Variants in EBPL observed in about 807,000 individuals in gnomAD.
EBPL encodes EBP like, also known as emopamil-binding protein-like.
In EBPL, 20 loss-of-function variants were observed where a neutral mutation model predicts 19.0. The observed-to-expected ratio is 1.05, with a 90% CI of 0.74 to 1.53. The LOEUF (loss-of-function observed/expected upper bound fraction) is 1.53. Among genes scored for constraint, EBPL ranks in the 40% most tolerant of loss-of-function variants. EBPL has a pLI of 0.00. For missense variants in EBPL, 219 were observed against 261.1 expected (o/e 0.84, Z 1.11); for synonymous variants, 107 against 117.0 (o/e 0.91, Z 0.55).
rs1488955110 is a variant in EBPL, at chr13:49,691,203, C to G, written c.171+51G>C. ...CCCCCTCACCCCGCCTTGCCGCCCCCGCTCCCACTCTCTGGGATGGGGAGT... is the reference window on the plus strand; with the variant it reads ...CCCCCTCACCCCGCCTTGCCGCCCCGGCTCCCACTCTCTGGGATGGGGAGT... On this transcript the variant is annotated intron_variant, in intron 1 of 3. Coordinates refer to ENST00000242827, the MANE Select transcript of EBPL (RefSeq NM_032565.5). 5 of 1,278,782 alleles carry G rather than the reference C, an allele frequency of 3.9e-6. No individual in the cohort carries two copies. In the East Asian group the frequency reaches 1.5e-4, roughly 39 times the overall value. 79.2% of individuals were successfully genotyped at this position (1,278,782 alleles called of 1,614,324 possible). A position where few individuals can be genotyped will look rare whatever the true frequency, so the allele number is the denominator to read the frequency against.
At chr13:49,662,765 T>C (rs1369214158) in intron 3 of EBPL, among the ~76,000 whole-genome samples, 1 of 152,088 alleles carries the variant, frequency 6.6e-6, no homozygotes, top group Non-Finnish European at 1.5e-5. Flanking sequence ...CTTAAGTATC[T>C]GGGACTACAG....
chr13:49,677,845 T>C (rs1594412416), intron 1 of EBPL, among the ~76,000 whole-genome samples: 1 of 152,212 alleles, frequency 6.6e-6, no homozygotes. Flanking sequence ...TGTTAGTTCT[T>C]AAAGATGGTG....
chr13:49,685,535 C>A (rs1255188119), intron 1 of EBPL, among the ~76,000 whole-genome samples: 1 of 152,280 alleles, frequency 6.6e-6, no homozygotes, highest in Non-Finnish European at 1.5e-5. Context: ...CCCAGAATCT[C>A]GTCCCAAAGC....
chr13:49,664,882 T>C (rs1965202582), intron 2 of EBPL, among the ~76,000 whole-genome samples: 3 of 151,402 alleles, frequency 2.0e-5, no homozygotes, highest in Non-Finnish European at 4.4e-5. Flanking sequence ...TGAGGGAATG[T>C]TCTGTGAGAG....
At position 49,683,765 on chromosome 13, in the gene EBPL, A is replaced by AC. The variant is rs200874960; in HGVS notation, c.171+7488dup. Among the ~76,000 whole-genome samples, 34 of 152,322 alleles carry AC rather than the reference A, an allele frequency of 2.2e-4. 1 individual carries two copies. The East Asian group carries it at 6.6e-3, about 29-fold the overall frequency. ...TCGCACACAATGCTAGTGGGAATGCACAACAGTACAGCCGCCGTGGAAAGC... is the reference window on the plus strand; with the variant it reads ...TCGCACACAATGCTAGTGGGAATGCACCAACAGTACAGCCGCCGTGGAAAGC... On this transcript the variant is annotated intron_variant, in intron 1 of 3. Transcript: ENST00000242827.
intron 3 of EBPL, 51 bp downstream of exon 3, chr13:49,663,006 G>A: frequency 1.9e-6 from 3 of 1,605,662 alleles, no homozygotes; most frequent in Non-Finnish European, 2.6e-6. Context: ...CTAAGTGTTG[G>A]GACATGTAAT....
intron 1 of EBPL, among the ~76,000 whole-genome samples, chr13:49,674,563 G>A (rs969677005): frequency 6.8e-6 from 1 of 147,668 alleles, no homozygotes; most frequent in Non-Finnish European, 1.5e-5. Flanking sequence ...ATGGGAGAAA[G>A]AGTACCATGA....
At chr13:49,670,724 G>A (rs1402643129) in intron 1 of EBPL, among the ~76,000 whole-genome samples, 1 of 152,062 alleles carries the variant, frequency 6.6e-6, no homozygotes, top group East Asian at 1.9e-4. Flanking sequence ...AGTCCTTCGA[G>A]TTTCTGATAT....
chr13:49,691,389 G>A lies in EBPL; in HGVS notation c.36C>T (p.Gly12=), dbSNP rs1231690040. The A allele has an allele frequency of 2.9e-6, 4 of 1,362,178 alleles. No individual in the cohort carries two copies. Among genetic ancestry groups the A allele is most frequent in the East Asian group, 2.8e-5 (1 of 35,538 alleles). 84.4% of individuals were successfully genotyped at this position (1,362,178 alleles called of 1,614,324 possible). Residue 12 remains glycine, a synonymous_variant, in exon 1 of 4, where the codon GGC becomes GGT. Coordinates refer to ENST00000242827, the MANE Select transcript of EBPL (RefSeq NM_032565.5). ...GAEWELGAEA[G]GSLLLCAALL... The stretch of plus-strand genomic sequence containing the variant: ...GCGCGGCGCACAGCAGCAGCGAACC[G>A]CCAGCCTCGGCCCCCAGCTCCCACT...
chr13:49,673,506 T>G (rs571349225), intron 1 of EBPL, among the ~76,000 whole-genome samples: 1 of 152,212 alleles, frequency 6.6e-6, no homozygotes, highest in Non-Finnish European at 1.5e-5. Context: ...GGCTCGATCT[T>G]GGCTCACTGC....
At chr13:49,681,894 TGAAGTG>T (rs1289246911) in intron 1 of EBPL, among the ~76,000 whole-genome samples, 2 of 152,222 alleles carry the variant, frequency 1.3e-5, no homozygotes, top group Non-Finnish European at 2.9e-5. Flanking sequence ...AGTGAGAGAA[TGAAGTG>T]GAGCAGGAAT....
chr13:49,689,604 C>T (rs1311448121), intron 1 of EBPL, among the ~76,000 whole-genome samples: 13 of 152,282 alleles, frequency 8.5e-5, no homozygotes, highest in Admixed American at 2.6e-4. Flanking sequence ...GCCTCAGCCT[C>T]CCAAAATGCT....
At chr13:49,686,670 A>G in intron 1 of EBPL, 1 of 1,257,490 alleles carries the variant, frequency 8.0e-7, no homozygotes. Context: ...TAGCTCAGCA[A>G]AAGCAGTCAT....
At chr13:49,690,173 C>CAAAAA (rs1332181431) in intron 1 of EBPL, among the ~76,000 whole-genome samples, 1 of 96,450 alleles carries the variant, frequency 1.0e-5, no homozygotes, top group African/African-American at 4.0e-5. Context: ...AAAAAAAAGA[C>CAAAAA]AAAAAAAAAA....
intron 1 of EBPL, chr13:49,686,448 T>A: frequency 7.8e-7 from 1 of 1,281,268 alleles, no homozygotes; most frequent in Non-Finnish European, 1.0e-6. Flanking sequence ...CTCTCACCAT[T>A]GACTTCCTGG....
intron 3 of EBPL, chr13:49,661,927 C>T: frequency 6.5e-7 from 1 of 1,550,212 alleles, no homozygotes; most frequent in Non-Finnish European, 8.7e-7. Flanking sequence ...CCACTCTGTC[C>T]CTAAGGAAAG....
chr13:49,687,766 G>A (rs1181003813), intron 1 of EBPL, among the ~76,000 whole-genome samples: 1 of 152,194 alleles, frequency 6.6e-6, no homozygotes, highest in Non-Finnish European at 1.5e-5. Flanking sequence ...CCTTCATTAT[G>A]TTGTCCTGTG....
At chr13:49,669,651 C>A in intron 2 of EBPL, 126 bp downstream of exon 2, 1 of 820,690 alleles carries the variant, frequency 1.2e-6, no homozygotes, top group Non-Finnish European at 1.9e-6. Flanking sequence ...AGTATCTCTA[C>A]AGACTCACCT....
At position 49,672,545 on chromosome 13, in the gene EBPL, G is replaced by A. The variant is rs182458837; in HGVS notation, c.172-2699C>T. ...ACATGCTAATAAGCGTTTCCTAAAAGAGTAAGAAATAAAAGGGATAATAGA... is the reference window on the plus strand; with the variant it reads ...ACATGCTAATAAGCGTTTCCTAAAAAAGTAAGAAATAAAAGGGATAATAGA... On this transcript the variant is annotated intron_variant, in intron 1 of 3. Transcript: ENST00000242827. Among the ~76,000 whole-genome samples the A allele has an allele frequency of 3.2e-3, 480 of 152,164 alleles. 3 individuals carry two copies. Among genetic ancestry groups the A allele is most frequent in the Admixed American group, 6.3e-3 (96 of 15,288 alleles).
Sources: gnomAD v4.1 joint callset for allele counts (sites outside exome capture counted in the v4.1 genomes callset) on GRCh38, gnomAD v4.1.1 for gene constraint, MANE v1.5 for transcripts, NCBI Gene and HGNC (gene_info 2026-07-23, HGNC 2026-07-21) for gene names.